ZNF486: variants seen among roughly 807,000 people sequenced by gnomAD.
The protein encoded by ZNF486 is KRAB box only protein 2.
A neutral mutation model predicts 12.8 loss-of-function variants in ZNF486; 12 were observed. The ratio of observed to expected loss-of-function variants is 0.94; its 90% CI spans 0.60 to 1.52. ZNF486 has a LOEUF of 1.52. Among genes scored for constraint, ZNF486 ranks in the 40% most tolerant of loss-of-function variants. ZNF486 has a pLI of 0.00. For missense variants in ZNF486, 738 were observed against 545.0 expected (o/e 1.35, Z -3.53); for synonymous variants, 231 against 184.9 (o/e 1.25, Z -2.02).
In ZNF486 at chr19:20,200,235, A is replaced by G. The variant is rs1555718720; in HGVS notation, c.*2133A>G. The G allele has an allele frequency of 6.6e-6, 1 of 152,146 alleles. No individual in the cohort carries two copies. Among genetic ancestry groups the G allele is most frequent in the African/African-American group, 2.4e-5 (1 of 41,442 alleles). 9.4% of individuals were successfully genotyped at this position (152,146 alleles called of 1,614,324 possible). On this transcript the variant is annotated 3_prime_UTR_variant, in exon 4 of 4. Coordinates refer to ENST00000335117, the MANE Select transcript of ZNF486 (RefSeq NM_052852.4). ...TTGCTGCATCAGAGATATTAGAGAT[A>G]GTTTTTTATTAATTGGGCATTTATG...
chr19:20,175,604 A>C (rs11879720), intron 1 of ZNF486, among the ~76,000 whole-genome samples: 44,025 of 150,110 alleles, frequency 0.29, 7,862 homozygotes, highest in African/African-American at 0.48. Flanking sequence ...TCCATTTAAC[A>C]CTGAGTGGAC....
chr19:20,191,487 C>T lies in ZNF486; in HGVS notation c.253+5405C>T, dbSNP rs550443558. Among the ~76,000 whole-genome samples, 12 of 134,190 alleles carry T rather than the reference C, an allele frequency of 8.9e-5. No individual in the cohort carries two copies. In the East Asian group the frequency reaches 1.6e-3, roughly 18 times the overall value. The allele number at this position is 134,190 out of a possible 152,430, so 88.0% of individuals were successfully genotyped here. A position where few individuals can be genotyped will look rare whatever the true frequency, so the allele number is the denominator to read the frequency against. ...CAAAAAAAAAAAAAAATTATGCACT[C>T]GGCTGGGGGCGGTGGCTCACACCTG... On this transcript the variant is annotated intron_variant, in intron 3 of 3. Coordinates refer to ENST00000335117, the MANE Select transcript of ZNF486 (RefSeq NM_052852.4).
At chr19:20,175,909 T>C (rs373819038) in intron 1 of ZNF486, among the ~76,000 whole-genome samples, 6 of 144,888 alleles carry the variant, frequency 4.1e-5, no homozygotes, top group East Asian at 4.3e-4. Flanking sequence ...TAGGGGCGGC[T>C]GGGCAGAGGC....
chr19:20,185,573 C>A (rs1321961833), intron 2 of ZNF486, among the ~76,000 whole-genome samples: 3 of 150,960 alleles, frequency 2.0e-5, no homozygotes, highest in Non-Finnish European at 3.0e-5. Flanking sequence ...GCCGCTGCAC[C>A]CAGCTTTTTG....
chr19:20,191,814 T>A (rs1329142498), intron 3 of ZNF486, among the ~76,000 whole-genome samples: 1 of 152,082 alleles, frequency 6.6e-6, no homozygotes, highest in Non-Finnish European at 1.5e-5. Flanking sequence ...GTCTCAAGTA[T>A]TCCTCTGTAT....
In ZNF486 at chr19:20,199,357, G is replaced by A. The variant is rs1172098614; in HGVS notation, c.*1255G>A. The A allele has an allele frequency of 6.6e-6, 1 of 152,190 alleles. No homozygotes were observed. The highest frequency in any genetic ancestry group is 1.5e-5 in the Non-Finnish European group (1 of 68,038). 9.4% of individuals were successfully genotyped at this position (152,190 alleles called of 1,614,324 possible). On this transcript the variant is annotated 3_prime_UTR_variant, in exon 4 of 4. Transcript: ENST00000335117. ...ATTAGAAGGAAACCCTAAAGCGGTT[G>A]CCAAACTTTGTGCAACATCAGGGAA... is the stretch of plus-strand genomic sequence containing the variant.
At chr19:20,195,723 G>T (rs1044911620) in intron 3 of ZNF486, among the ~76,000 whole-genome samples, 3 of 152,146 alleles carry the variant, frequency 2.0e-5, no homozygotes, top group Non-Finnish European at 4.4e-5. Context: ...GATGAGTCTT[G>T]TCTAAAATTT....
At chr19:20,174,268 A>G (rs1198046818) in intron 1 of ZNF486, among the ~76,000 whole-genome samples, 1 of 152,264 alleles carries the variant, frequency 6.6e-6, no homozygotes, top group Non-Finnish European at 1.5e-5. Context: ...TAAACTGAAC[A>G]GTGGAGTCTG....
At chr19:20,169,949 G>T (rs2089629849) in intron 1 of ZNF486, among the ~76,000 whole-genome samples, 1 of 145,690 alleles carries the variant, frequency 6.9e-6, no homozygotes, top group African/African-American at 2.6e-5. Context: ...GGAGTGCAGT[G>T]GCGCGATCTC....
intron 3 of ZNF486, among the ~76,000 whole-genome samples, chr19:20,187,503 T>TTC (rs1240787339): frequency 6.8e-6 from 1 of 146,206 alleles, no homozygotes; most frequent in African/African-American, 2.6e-5. Context: ...TCTTCAAGTT[T>TTC]TTTTTTTTTT....
intron 2 of ZNF486, 145 bp from the exon 3 acceptor site, chr19:20,185,842 C>A: frequency 1.1e-4 from 42 of 374,436 alleles, no homozygotes; most frequent in Non-Finnish European, 1.2e-4. Flanking sequence ...AAAGTATTTT[C>A]TAAATATTTA....
intron 3 of ZNF486, among the ~76,000 whole-genome samples, chr19:20,195,407 A>G (rs782204392): frequency 1.3e-5 from 2 of 152,004 alleles, no homozygotes; most frequent in African/African-American, 2.4e-5. Flanking sequence ...GACCTCATGT[A>G]TTTTCCCACC....
At chr19:20,184,669 T>G (rs893513123) in intron 2 of ZNF486, among the ~76,000 whole-genome samples, 187 bp downstream of exon 2, 1 of 152,232 alleles carries the variant, frequency 6.6e-6, no homozygotes, top group Non-Finnish European at 1.5e-5. Context: ...ATCCAAACTT[T>G]CCACATTGCT....
At chr19:20,168,376 C>T (rs1193837385) in intron 1 of ZNF486, among the ~76,000 whole-genome samples, 1 of 151,922 alleles carries the variant, frequency 6.6e-6, no homozygotes. Flanking sequence ...AAAGAAGGGC[C>T]AGGCGCAGTG....
intron 1 of ZNF486, among the ~76,000 whole-genome samples, chr19:20,177,840 T>C (rs2089738354): frequency 6.6e-6 from 1 of 151,782 alleles, no homozygotes; most frequent in Non-Finnish European, 1.5e-5. Context: ...CCTCCCAAAG[T>C]GCTGGGATTA....
At chr19:20,170,851 T>C (rs2089640809) in intron 1 of ZNF486, among the ~76,000 whole-genome samples, 1 of 152,318 alleles carries the variant, frequency 6.6e-6, no homozygotes, top group South Asian at 2.1e-4. Flanking sequence ...TCCTTTTGGC[T>C]TTTCCTGGGC....
Position 20,179,704 on chromosome 19 carries a change from T to C in ZNF486, c.31-4652T>C, listed in dbSNP as rs553729181. Among the ~76,000 whole-genome samples the C allele has an allele frequency of 3.3e-5, 5 of 152,344 alleles. No homozygotes were observed. In the East Asian group the frequency reaches 7.7e-4, roughly 24 times the overall value. ...AAATTAACAAAAGTCATTTTCTGCA[T>C]TGTAAGTTGTCAAGATAGATATCTT... On this transcript the variant is annotated intron_variant, in intron 1 of 3. Transcript: ENST00000335117.
At chr19:20,168,100 G>A (rs2089605095) in intron 1 of ZNF486, among the ~76,000 whole-genome samples, 1 of 152,124 alleles carries the variant, frequency 6.6e-6, no homozygotes, top group Admixed American at 6.5e-5. Context: ...GGTGGCTCAC[G>A]CCTGTAATCC....
chr19:20,196,338 T>A lies in ZNF486; in HGVS notation c.254-626T>A, dbSNP rs58886093. On this transcript the variant is annotated intron_variant, in intron 3 of 3. Transcript: ENST00000335117. ...GTTGGCAATTTACTTTAAAAAAAAA[T>A]TTTTTTTTGAGATGAAGTCTTGCTC... Among the ~76,000 whole-genome samples the A allele has an allele frequency of 1.8e-3, 271 of 151,828 alleles. 1 individual carries two copies. The highest frequency in any genetic ancestry group is 6.0e-3 in the African/African-American group (249 of 41,426).
Sources: allele counts gnomAD v4.1 joint callset (sites outside exome capture counted in the v4.1 genomes callset), GRCh38; gene constraint gnomAD v4.1.1; transcripts MANE v1.5; gene names NCBI Gene and HGNC (gene_info 2026-07-23, HGNC 2026-07-21).